GNPAT: variants seen among roughly 807,000 people sequenced by gnomAD.
GNPAT encodes the protein glyceronephosphate O-acyltransferase, also known as dihydroxyacetone phosphate acyltransferase.
GNPAT carries 30 observed loss-of-function variants against 78.4 expected under a neutral mutation model. That is an observed-to-expected ratio of 0.38 (90% CI 0.29 to 0.52). The LOEUF (loss-of-function observed/expected upper bound fraction) is 0.52, where lower values mean the gene tolerates loss of function less well. Among genes scored for constraint, GNPAT ranks in the 20% least tolerant of loss-of-function variants. The pLI is 0.84. For synonymous variants in GNPAT, 271 were observed against 281.1 expected, an observed-to-expected ratio of 0.96 and a Z score of 0.36; for missense variants, 714 against 812.2, an observed-to-expected ratio of 0.88 and a Z score of 1.47.
At chr1:231,246,797 T>C (rs1684761432) in intron 1 of GNPAT, among the ~76,000 whole-genome samples, 1 of 152,146 alleles carries the variant, frequency 6.6e-6, no homozygotes, top group South Asian at 2.1e-4. Flanking sequence ...TAATCAGAAA[T>C]CTCTACAGGT....
chr1:231,251,240 G>A (rs895944253), intron 2 of GNPAT, 97 bp downstream of exon 2: 5 of 725,570 alleles, frequency 6.9e-6, no homozygotes, highest in Non-Finnish European at 9.5e-6. Context: ...ATCCTTTTAG[G>A]CTGAGCTGTA....
Position 231,266,323 on chromosome 1 carries a change from T to C in GNPAT, c.971T>C (p.Ile324Thr). 1 of 1,614,024 alleles carries C rather than the reference T, an allele frequency of 6.2e-7. No homozygotes were observed. Among genetic ancestry groups the C allele is most frequent in the Middle Eastern group, 1.6e-4 (1 of 6,062 alleles). ...ATTCTCTCTGAAAATTTTGGAAGCA[T>C]CCATGTGTACTTTGGAGATCCTGTG... Reference protein sequence around the residue: ...RKILSENFGSIHVYFGDPVSL... With the variant: ...RKILSENFGSTHVYFGDPVSL... Residue 324 changes from isoleucine (I) to threonine (T), a missense_variant, in exon 8 of 16, where the codon ATC (isoleucine) becomes ACC (threonine). By Grantham distance (89) the Ile-to-Thr change is moderately conservative. Coordinates refer to ENST00000366647, the MANE Select transcript of GNPAT (RefSeq NM_014236.4).
intron 1 of GNPAT, among the ~76,000 whole-genome samples, chr1:231,248,438 C>T (rs1684805624): frequency 6.6e-6 from 1 of 151,504 alleles, no homozygotes; most frequent in Admixed American, 6.6e-5. Context: ...AGCAGAAAAT[C>T]CTCATATAGG....
chr1:231,247,149 G>T (rs1316461529), intron 1 of GNPAT, among the ~76,000 whole-genome samples: 1 of 151,652 alleles, frequency 6.6e-6, no homozygotes. Context: ...CTGGGCAACA[G>T]AGAGAGACTC....
In GNPAT at chr1:231,273,973, A is replaced by T. The variant is rs766788363; in HGVS notation, c.1654A>T (p.Thr552Ser). The change falls in exon 12 of 16, where the codon ACT becomes TCT. Residue 552 changes from threonine (T) to serine (S), a missense_variant. Physicochemically the swap from Thr to Ser is moderately conservative, Grantham distance 58 (BLOSUM62 1). Coordinates refer to ENST00000366647, the MANE Select transcript of GNPAT (RefSeq NM_014236.4). The stretch of plus-strand genomic sequence containing the variant: ...TTGTAAAAGTGAAGCCATACAAGTG[A>T]CTACGAAAGACATCCTAGTTACAGA... ...LLCKSEAIQV[T>S]TKDILVTEKG... is the part of the protein sequence containing the mutation. 1 of 1,611,400 alleles carries T rather than the reference A, an allele frequency of 6.2e-7. No homozygotes were observed. The highest frequency in any genetic ancestry group is 1.7e-5 in the Admixed American group (1 of 60,026).
intron 1 of GNPAT, among the ~76,000 whole-genome samples, chr1:231,247,176 A>C (rs1334062630): frequency 2.0e-5 from 3 of 152,062 alleles, no homozygotes; most frequent in Admixed American, 1.3e-4. Context: ...AAAAAAAAAA[A>C]CCACTGGATT....
chr1:231,259,281 A>G (rs879573407), intron 2 of GNPAT, among the ~76,000 whole-genome samples: 7 of 152,262 alleles, frequency 4.6e-5, no homozygotes, highest in Admixed American at 3.9e-4. Context: ...AAGATAGGAT[A>G]TGCAGCAAGA....
chr1:231,262,083 T>C (rs1473719495), intron 3 of GNPAT, among the ~76,000 whole-genome samples: 1 of 152,232 alleles, frequency 6.6e-6, no homozygotes, highest in Non-Finnish European at 1.5e-5. Context: ...AATCTTGAGA[T>C]TGATGGCCTG....
Position 231,266,339 on chromosome 1 carries a change from A to G in GNPAT, c.987A>G (p.Gly329=). ...TTGGAAGCATCCATGTGTACTTTGGAGATCCTGTGTCACTTCGATCTTTGG... is the reference window on the plus strand; with the variant it reads ...TTGGAAGCATCCATGTGTACTTTGGGGATCCTGTGTCACTTCGATCTTTGG... ...ENFGSIHVYF[G]DPVSLRSLAA... Residue 329 remains glycine, a synonymous_variant, in exon 8 of 16, where the codon GGA becomes GGG. Coordinates refer to ENST00000366647, the MANE Select transcript of GNPAT (RefSeq NM_014236.4). 6.2e-7 allele frequency: 1 copy of G among 1,614,008 alleles called. No individual in the cohort carries two copies. The highest frequency in any genetic ancestry group is 2.2e-5 in the East Asian group (1 of 44,876).
intron 1 of GNPAT, among the ~76,000 whole-genome samples, chr1:231,241,745 A>G (rs1370271291): frequency 2.0e-5 from 3 of 152,290 alleles, no homozygotes; most frequent in South Asian, 4.1e-4. Context: ...GCTCCTGGAC[A>G]CGAGAATGAG....
chr1:231,255,621 G>A (rs1336303836), intron 2 of GNPAT, among the ~76,000 whole-genome samples: 2 of 151,962 alleles, frequency 1.3e-5, no homozygotes, highest in Admixed American at 6.5e-5. Context: ...TTTTTTGTAG[G>A]ACAGGATCCC....
rs547423939 is a variant in GNPAT at position 231,265,854 on chromosome 1, C to T, written c.772+67C>T. 163 of 1,093,998 alleles carry T rather than the reference C, an allele frequency of 1.5e-4. 2 individuals carry two copies. In the African/African-American group the frequency reaches 2.1e-3, roughly 14 times the overall value. 67.8% of individuals were successfully genotyped at this position (1,093,998 alleles called of 1,614,324 possible). The stretch of plus-strand genomic sequence containing the variant: ...ACATCAGCTGCTACATAAAACTTGA[C>T]GCTTTATTTAACAAGATATTCTTTT... On this transcript the variant is annotated intron_variant, in intron 6 of 15. Coordinates refer to ENST00000366647, the MANE Select transcript of GNPAT (RefSeq NM_014236.4).
At position 231,275,422 on chromosome 1, in the gene GNPAT, G is replaced by C; in HGVS notation, c.1861G>C (p.Asp621His). ...LLDQGTSQCY[D>H]VLSSDVQKNA... ...AATTTTAGGTACCTCTCAATGTTATGATGTATTATCTTCTGATGTGCAGAA... is the reference window on the plus strand; with the variant it reads ...AATTTTAGGTACCTCTCAATGTTATCATGTATTATCTTCTGATGTGCAGAA... Residue 621 changes from aspartate to histidine, a missense_variant, in exon 14 of 16, where the codon GAT becomes CAT. By Grantham distance (81) the Asp-to-His change is moderately conservative. Transcript: ENST00000366647. 1 of 1,609,834 alleles carries C rather than the reference G, an allele frequency of 6.2e-7. No homozygotes were observed. Among genetic ancestry groups the C allele is most frequent in the Non-Finnish European group, 8.5e-7 (1 of 1,176,110 alleles).
Position 231,265,780 on chromosome 1 carries a change from T to C in GNPAT, c.765T>C (p.Pro255=). 1.3e-6 allele frequency: 2 copies of C among 1,584,766 alleles called. No homozygotes were observed. The highest frequency in any genetic ancestry group is 1.7e-6 in the Non-Finnish European group (2 of 1,153,160). The stretch of plus-strand genomic sequence containing the variant: ...GCCGCTCTGCCAAGACATTGACTCC[T>C]AAATTTGGTAGGTCACTACAGATTA... ...TRSRSAKTLT[P]KFGLLNIVME... is the part of the protein sequence containing the mutation. The change falls in exon 6 of 16, where the codon CCT becomes CCC. Residue 255 remains proline, a synonymous_variant. Transcript: ENST00000366647.
At chr1:231,250,738 G>T (rs532080246) in intron 1 of GNPAT, among the ~76,000 whole-genome samples, 50 of 152,198 alleles carry the variant, frequency 3.3e-4, no homozygotes, top group African/African-American at 1.2e-3. Context: ...ATAGCAATCA[G>T]AAATATAATA....
intron 2 of GNPAT, among the ~76,000 whole-genome samples, chr1:231,259,077 G>A (rs1445639916): frequency 6.6e-6 from 1 of 151,768 alleles, no homozygotes; most frequent in East Asian, 1.9e-4. Context: ...TTATTCTGTG[G>A]CCACTGTCTT....
intron 8 of GNPAT, among the ~76,000 whole-genome samples, chr1:231,266,978 T>G (rs1685406763): frequency 6.6e-6 from 1 of 152,242 alleles, no homozygotes; most frequent in African/African-American, 2.4e-5. Context: ...CAACATCATT[T>G]GTAACTTATC....
chr1:231,275,019 T>C, intron 12 of GNPAT: 1 of 545,608 alleles, frequency 1.8e-6, no homozygotes, highest in South Asian at 2.2e-5. Context: ...TAAATCTTTT[T>C]CTAATTGTAA....
chr1:231,275,364 T>G (rs1283159176), intron 13 of GNPAT, 41 bp from the exon 14 acceptor site: 4 of 1,548,460 alleles, frequency 2.6e-6, no homozygotes, highest in Non-Finnish European at 3.6e-6. Flanking sequence ...TAGTTGAGAA[T>G]AGAAACTGGT....
Sources: allele counts gnomAD v4.1 joint callset (sites outside exome capture counted in the v4.1 genomes callset), GRCh38; gene constraint gnomAD v4.1.1; transcripts MANE v1.5; gene names NCBI Gene and HGNC (gene_info 2026-07-23, HGNC 2026-07-21).